The following ENO1 variants were observed in gnomAD, a reference collection of about 807,000 sequenced individuals.
ENO1 encodes enolase 1, also known as alpha-enolase.
ENO1 carries 33 observed loss-of-function variants against 46.3 expected under a neutral mutation model. The observed-to-expected ratio is 0.71, with a 90% CI of 0.54 to 0.95. The LOEUF is 0.95. ENO1 is among the 40% of genes least tolerant of loss of function. The probability of loss-of-function intolerance (pLI) is 0.00; values close to 1 mark genes in which losing one functional copy is unlikely to be tolerated. For synonymous variants in ENO1, 220 were observed against 216.0 expected (o/e 1.02, Z -0.16); for missense variants, 488 against 553.3 (o/e 0.88, Z 1.18).
At chr1:8,871,570 T>C in intron 3 of ENO1, 1 of 1,091,396 alleles carries the variant, frequency 9.2e-7, no homozygotes. Flanking sequence ...GAAACTTTTC[T>C]TTAGTTAACA....
At chr1:8,870,663 C>T (rs1191736683) in intron 3 of ENO1, 153 bp from the exon 4 acceptor site, 17 of 1,487,998 alleles carry the variant, frequency 1.1e-5, no homozygotes, top group African/African-American at 5.6e-5. Context: ...CCCCCAGAAT[C>T]GGAGGACTTT....
intron 2 of ENO1, chr1:8,873,910 A>G (rs1300109740): frequency 1.3e-5 from 2 of 152,194 alleles, no homozygotes; most frequent in Non-Finnish European, 2.9e-5. Flanking sequence ...CTACAAAGGC[A>G]CTGGATTTTC....
intron 4 of ENO1, among the ~76,000 whole-genome samples, chr1:8,869,500 G>A (rs1163539171): frequency 6.6e-6 from 1 of 152,164 alleles, no homozygotes; most frequent in Non-Finnish European, 1.5e-5. Context: ...ATGGAGGAGA[G>A]GGACTAGATT....
chr1:8,861,715 G>A (rs542291665), intron 11 of ENO1, among the ~76,000 whole-genome samples: 49 of 152,140 alleles, frequency 3.2e-4, no homozygotes, highest in Non-Finnish European at 5.3e-4. Context: ...CAGTGTTGCA[G>A]AGGAGCAAAG....
chr1:8,869,752 G>A (rs892116333), intron 4 of ENO1, among the ~76,000 whole-genome samples: 1 of 152,136 alleles, frequency 6.6e-6, no homozygotes. Flanking sequence ...TAGAGATAGG[G>A]TTTCACCATG....
At chr1:8,875,398 C>G (rs558703202) in intron 1 of ENO1, among the ~76,000 whole-genome samples, 1 of 151,982 alleles carries the variant, frequency 6.6e-6, no homozygotes, top group African/African-American at 2.4e-5. Flanking sequence ...TTGCTCGACG[C>G]AGAGTGGCCC....
At chr1:8,871,533 G>A (rs1303172356) in intron 3 of ENO1, 10 of 1,048,810 alleles carry the variant, frequency 9.5e-6, no homozygotes, top group African/African-American at 1.7e-5. Context: ...TCTCTGGAGG[G>A]CCCACAGAAC....
chr1:8,871,638 G>T, intron 3 of ENO1: 1 of 1,297,442 alleles, frequency 7.7e-7, no homozygotes, highest in East Asian at 3.2e-5. Flanking sequence ...TTCGCAGATT[G>T]GGAACAAACT....
chr1:8,870,586 C>T (rs1272281039), intron 3 of ENO1, 76 bp from the exon 4 acceptor site: 1 of 1,598,276 alleles, frequency 6.3e-7, no homozygotes, highest in African/African-American at 1.3e-5. Flanking sequence ...GAGAGAACCA[C>T]TGTTGAGGCC....
At chr1:8,868,210 CAG>C (rs1269559066) in intron 4 of ENO1, among the ~76,000 whole-genome samples, 153 bp from the exon 5 acceptor site, 2 of 152,038 alleles carry the variant, frequency 1.3e-5, no homozygotes, top group Non-Finnish European at 2.9e-5. Flanking sequence ...GGACAAAAAT[CAG>C]TGGGGAGACA....
At chr1:8,866,707 C>T in intron 6 of ENO1, 2 of 612,358 alleles carry the variant, frequency 3.3e-6, no homozygotes, top group Non-Finnish European at 5.7e-6. Flanking sequence ...CTATACTGGT[C>T]TTGCCTAGAG....
At chr1:8,862,694 G>A (rs1206699449) in intron 11 of ENO1, among the ~76,000 whole-genome samples, 193 bp downstream of exon 11, 1 of 152,224 alleles carries the variant, frequency 6.6e-6, no homozygotes, top group Non-Finnish European at 1.5e-5. Context: ...GCGCTGCAGT[G>A]GGTGGGTAGG....
intron 1 of ENO1, chr1:8,878,079 G>C (rs1471925908): frequency 6.4e-6 from 1 of 155,250 alleles, no homozygotes; most frequent in Non-Finnish European, 1.4e-5. Flanking sequence ...GCGCGGGCGA[G>C]AGGCGGGGGC....
chr1:8,869,228 T>TA (rs997021368), intron 4 of ENO1, among the ~76,000 whole-genome samples: 1 of 147,940 alleles, frequency 6.8e-6, no homozygotes, highest in Non-Finnish European at 1.5e-5. Context: ...TCTAGGGGGT[T>TA]AAAAAAAAGT....
At position 8,871,916 on chromosome 1, in the gene ENO1, A is replaced by G. The variant is rs776004166; in HGVS notation, c.156T>C (p.Asn52=). Residue 52 remains asparagine, a synonymous_variant, in exon 3 of 12, where the codon AAT becomes AAC. Coordinates refer to ENST00000234590, the MANE Select transcript of ENO1 (RefSeq NM_001428.5). Reference sequence around the variant, plus strand: ...CCTTCCCCATATAGCGAGTCTTATCATTGTCCCGGAGCTCTAGGGCCTCAT... The same window carrying G: ...CCTTCCCCATATAGCGAGTCTTATCGTTGTCCCGGAGCTCTAGGGCCTCAT... ...GIYEALELRD[N]DKTRYMGKGV... The G allele has an allele frequency of 1.9e-6, 3 of 1,614,158 alleles. No homozygotes were observed. The highest frequency in any genetic ancestry group is 1.7e-6 in the Non-Finnish European group (2 of 1,180,032).
chr1:8,863,866 G>A, intron 9 of ENO1, 25 bp downstream of exon 9: 1 of 1,613,644 alleles, frequency 6.2e-7, no homozygotes, highest in Non-Finnish European at 8.5e-7. Flanking sequence ...CTGCGGGAAA[G>A]CTGCTCGCCT....
intron 4 of ENO1, 52 bp downstream of exon 4, chr1:8,870,400 G>C: frequency 6.2e-7 from 1 of 1,612,064 alleles, no homozygotes; most frequent in Non-Finnish European, 8.5e-7. Context: ...CCTGGGCCTG[G>C]GAGACGCTCT....
chr1:8,871,616 G>A (rs1642634474), intron 3 of ENO1: 19 of 1,238,602 alleles, frequency 1.5e-5, no homozygotes, highest in Non-Finnish European at 1.6e-5. Context: ...TGTCCTAACC[G>A]TGAAGGAGTA....
Position 8,863,360 on chromosome 1 carries a change from A to G in ENO1, c.1068-17T>C. On this transcript the variant is annotated splice_polypyrimidine_tract_variant and intron_variant, in intron 9 of 11. Transcript: ENST00000234590. ...AGCTTGCACCTGGAAGCCAAGGAACAACCCAGATGGCATGATCCCATTTTC... is the reference window on the plus strand; with the variant it reads ...AGCTTGCACCTGGAAGCCAAGGAACGACCCAGATGGCATGATCCCATTTTC... 2.5e-6 allele frequency: 4 copies of G among 1,606,760 alleles called. No individual in the cohort carries two copies. The highest frequency in any genetic ancestry group is 2.5e-6 in the Non-Finnish European group (3 of 1,176,650).
Sources: gnomAD v4.1 joint callset for allele counts (sites outside exome capture counted in the v4.1 genomes callset) on GRCh38, gnomAD v4.1.1 for gene constraint, MANE v1.5 for transcripts, NCBI Gene and HGNC (gene_info 2026-07-23, HGNC 2026-07-21) for gene names.